Variants in TMC7 observed in about 807,000 individuals in gnomAD.
The protein encoded by TMC7 is transmembrane channel like 7.
Under a neutral mutation model 82.9 loss-of-function variants are expected in TMC7, and 54 were observed. The observed-to-expected ratio is 0.65, with a 90% confidence interval of 0.52 to 0.82. The LOEUF (loss-of-function observed/expected upper bound fraction) is 0.82, where lower values mean the gene tolerates loss of function less well. Ranked by LOEUF, TMC7 falls within the 40% of genes least tolerant of loss-of-function variation. TMC7 has a pLI of 0.00. For synonymous variants in TMC7, 350 were observed against 337.9 expected, an observed-to-expected ratio of 1.04 and a Z score of -0.39; for missense variants, 820 against 901.2, an observed-to-expected ratio of 0.91 and a Z score of 1.15.
chr16:18,997,684 G>C (rs2039067574), intron 1 of TMC7, among the ~76,000 whole-genome samples: 1 of 149,570 alleles, frequency 6.7e-6, no homozygotes, highest in South Asian at 2.1e-4. Context: ...CTCAGGCACT[G>C]TTTTGAGCCA....
At chr16:19,034,715 C>T (rs568353347) in intron 6 of TMC7, among the ~76,000 whole-genome samples, 2 of 152,024 alleles carry the variant, frequency 1.3e-5, no homozygotes, top group East Asian at 3.9e-4. Flanking sequence ...TGAGCCAAAA[C>T]CTGAAGGATG....
chr16:19,028,647 A>AATTATT (rs368148992), intron 5 of TMC7, among the ~76,000 whole-genome samples: 50 of 151,144 alleles, frequency 3.3e-4, no homozygotes, highest in African/African-American at 1.0e-3. Flanking sequence ...GAGCTTCTTT[A>AATTATT]ATTATTATTA....
chr16:18,995,826 C>A (rs1253114807), intron 1 of TMC7, among the ~76,000 whole-genome samples: 1 of 152,066 alleles, frequency 6.6e-6, no homozygotes, highest in African/African-American at 2.4e-5. Context: ...ATTTTTGGAG[C>A]TTTTTCCAAT....
chr16:19,047,994 C>T (rs920650489), intron 12 of TMC7, among the ~76,000 whole-genome samples: 3 of 152,088 alleles, frequency 2.0e-5, no homozygotes, highest in African/African-American at 4.8e-5. Flanking sequence ...CCACCGCACC[C>T]GGCCTACTCT....
chr16:18,999,184 GAGAC>G (rs1262049460), intron 1 of TMC7, among the ~76,000 whole-genome samples: 1 of 152,172 alleles, frequency 6.6e-6, no homozygotes, highest in Non-Finnish European at 1.5e-5. Flanking sequence ...TTTTTCTGTA[GAGAC>G]AGGGTCTCAC....
chr16:19,009,814 G>A (rs890119388), intron 2 of TMC7, among the ~76,000 whole-genome samples: 10 of 151,368 alleles, frequency 6.6e-5, no homozygotes, highest in Non-Finnish European at 1.0e-4. Flanking sequence ...GGTGGCGGGT[G>A]CCTGTAGTCC....
At chr16:19,008,287 C>T (rs1046982305) in intron 1 of TMC7, among the ~76,000 whole-genome samples, 1 of 152,182 alleles carries the variant, frequency 6.6e-6, no homozygotes, top group African/African-American at 2.4e-5. Flanking sequence ...CAAGACACAG[C>T]AAAGCTTGGC....
chr16:18,998,488 C>T (rs1024206581), intron 1 of TMC7, among the ~76,000 whole-genome samples: 2 of 151,866 alleles, frequency 1.3e-5, no homozygotes, highest in Non-Finnish European at 2.9e-5. Flanking sequence ...GACGCGGTGG[C>T]TCACGCCTGT....
chr16:19,010,933 T>C (rs1959298723), intron 2 of TMC7, among the ~76,000 whole-genome samples: 1 of 152,118 alleles, frequency 6.6e-6, no homozygotes, highest in South Asian at 2.1e-4. Context: ...GGACTAGGCT[T>C]AAAACCAGCT....
intron 1 of TMC7, among the ~76,000 whole-genome samples, chr16:19,003,658 T>TG (rs1225098368): frequency 7.5e-6 from 1 of 133,302 alleles, no homozygotes; most frequent in East Asian, 2.2e-4. Context: ...GTAGAAGACA[T>TG]GGGAGACTTT....
intron 5 of TMC7, among the ~76,000 whole-genome samples, chr16:19,029,742 A>G (rs960848624): frequency 5.5e-5 from 8 of 144,404 alleles, no homozygotes; most frequent in Non-Finnish European, 1.2e-4. Flanking sequence ...GTTCAGTGTT[A>G]TGATCTCAGC....
chr16:19,050,045 T>G (rs1187785009), intron 12 of TMC7, among the ~76,000 whole-genome samples: 1 of 152,218 alleles, frequency 6.6e-6, no homozygotes, highest in South Asian at 2.1e-4. Context: ...CAGTTATACA[T>G]GTTTAAATCC....
At chr16:19,018,070 T>C (rs1959789964) in intron 3 of TMC7, among the ~76,000 whole-genome samples, 1 of 152,172 alleles carries the variant, frequency 6.6e-6, no homozygotes, top group Admixed American at 6.5e-5. Flanking sequence ...CCCAGGAGTT[T>C]GAGGCTGCAG....
intron 1 of TMC7, among the ~76,000 whole-genome samples, chr16:18,989,672 GT>G (rs2038914285): frequency 6.6e-5 from 10 of 150,620 alleles, no homozygotes; most frequent in African/African-American, 2.4e-4. Flanking sequence ...GGAGCTTCTA[GT>G]CAAGCGAGAC....
At chr16:18,996,770 A>G (rs1023619013) in intron 1 of TMC7, among the ~76,000 whole-genome samples, 5 of 152,172 alleles carry the variant, frequency 3.3e-5, no homozygotes, top group South Asian at 2.1e-4. Context: ...CGTCTCCGCA[A>G]TTGACTTGCC....
chr16:19,033,268 A>C (rs531825849), intron 6 of TMC7, among the ~76,000 whole-genome samples: 112 of 152,298 alleles, frequency 7.4e-4, no homozygotes, highest in African/African-American at 2.1e-3. Context: ...GACATTTATG[A>C]AGTTAAAATT....
At chr16:19,045,520 C>T (rs1002899865) in intron 11 of TMC7, 82 bp downstream of exon 11, 2 of 965,672 alleles carry the variant, frequency 2.1e-6, no homozygotes, top group East Asian at 4.8e-5. Context: ...ACTGGAGGGT[C>T]CCATTGCAGC....
At chr16:19,047,388 A>T in intron 12 of TMC7, 139 bp downstream of exon 12, 1 of 730,770 alleles carries the variant, frequency 1.4e-6, no homozygotes, top group Non-Finnish European at 2.1e-6. Context: ...TGTTTATTCT[A>T]GAAAAATATT....
At chr16:18,987,682 A>G (rs1455884738) in intron 1 of TMC7, among the ~76,000 whole-genome samples, 1 of 152,210 alleles carries the variant, frequency 6.6e-6, no homozygotes, top group Non-Finnish European at 1.5e-5. Context: ...CTAGAATGGC[A>G]TCTGGCACAC....
Sources: gnomAD v4.1 joint callset for allele counts (sites outside exome capture counted in the v4.1 genomes callset) on GRCh38, gnomAD v4.1.1 for gene constraint, MANE v1.5 for transcripts, NCBI Gene and HGNC (gene_info 2026-07-23, HGNC 2026-07-21) for gene names.